The following USP10 variants were observed in gnomAD, a reference collection of about 807,000 sequenced individuals.
The protein encoded by USP10 is ubiquitin carboxyl-terminal hydrolase 10.
In USP10, 22 loss-of-function variants were observed where a neutral mutation model predicts 84.5. That is an observed-to-expected ratio of 0.26 (90% CI 0.19 to 0.37). USP10 has a LOEUF of 0.37. Among genes scored for constraint, USP10 ranks in the 10% least tolerant of loss-of-function variants. The pLI, the probability that USP10 is intolerant of heterozygous loss-of-function variation, is 1.00. For missense variants in USP10, 1,019 were observed against 998.9 expected (o/e 1.02, Z -0.27); for synonymous variants, 454 against 387.6 (o/e 1.17, Z -2.01).
rs1304187537 is a variant in USP10, at chr16:84,769,134, C to T, written c.1998+776C>T. Among the ~76,000 whole-genome samples the T allele has an allele frequency of 4.6e-5, 7 of 152,156 alleles. No homozygotes were observed. In the East Asian group the frequency reaches 1.3e-3, roughly 29 times the overall value. The stretch of plus-strand genomic sequence containing the variant: ...TGCAGGCTGATAATTATGGACGGTC[C>T]ATAGCATTCCTGCAAAGCGATATTT... On this transcript the variant is annotated intron_variant, in intron 11 of 13. Transcript: ENST00000219473.
chr16:84,771,800 G>A (rs537172614), intron 11 of USP10, among the ~76,000 whole-genome samples: 82 of 152,180 alleles, frequency 5.4e-4, no homozygotes, highest in Admixed American at 1.3e-3. Context: ...CCCGGGAGAC[G>A]GATGTTGCAG....
chr16:84,704,871 G>A, intron 1 of USP10: 4 of 1,535,736 alleles, frequency 2.6e-6, no homozygotes, highest in Non-Finnish European at 1.7e-6. Context: ...GTAAGGTGTT[G>A]AGATAGAAAT....
chr16:84,730,626 G>T (rs969141211), intron 1 of USP10, among the ~76,000 whole-genome samples: 8 of 152,142 alleles, frequency 5.3e-5, no homozygotes, highest in African/African-American at 1.9e-4. Flanking sequence ...TTTGAAACAG[G>T]AAGTGTGTGT....
At chr16:84,772,050 C>T (rs1456232267) in intron 11 of USP10, among the ~76,000 whole-genome samples, 3 of 152,034 alleles carry the variant, frequency 2.0e-5, no homozygotes, top group Admixed American at 2.0e-4. Context: ...CATTTTTCTT[C>T]TTCTTTTTTC....
intron 11 of USP10, among the ~76,000 whole-genome samples, chr16:84,770,771 CCAA>C (rs1451733792): frequency 3.0e-4 from 40 of 133,094 alleles, no homozygotes; most frequent in Admixed American, 3.8e-4. Flanking sequence ...GACTCCGTCC[CCAA>C]AAAAAAAAAA....
intron 9 of USP10, 128 bp downstream of exon 9, chr16:84,763,216 G>C (rs1000403631): frequency 3.4e-5 from 18 of 522,968 alleles, no homozygotes; most frequent in Non-Finnish European, 6.2e-5. Flanking sequence ...TATTCCCTAC[G>C]ATAACTTACA....
At chr16:84,712,275 T>C (rs1299516076) in intron 1 of USP10, among the ~76,000 whole-genome samples, 2 of 151,978 alleles carry the variant, frequency 1.3e-5, no homozygotes, top group Non-Finnish European at 2.9e-5. Context: ...GTCCTGAGAG[T>C]AGCGGAAGGA....
At chr16:84,702,297 T>C (rs1904986851) in intron 1 of USP10, among the ~76,000 whole-genome samples, 1 of 152,052 alleles carries the variant, frequency 6.6e-6, no homozygotes. Flanking sequence ...GCTCAGGTGA[T>C]CCACCCGCCT....
At chr16:84,758,683 C>G (rs1912862200) in intron 4 of USP10, 33 bp from the exon 5 acceptor site, 1 of 1,447,268 alleles carries the variant, frequency 6.9e-7, no homozygotes, top group African/African-American at 1.4e-5. Flanking sequence ...TAGATGTCAT[C>G]AATTTCTGAA....
intron 2 of USP10, among the ~76,000 whole-genome samples, chr16:84,739,274 T>G (rs1312158660): frequency 1.4e-5 from 2 of 147,866 alleles, no homozygotes; most frequent in Non-Finnish European, 3.0e-5. Flanking sequence ...TTTTGTTTTG[T>G]TTTGTTTTGG....
chr16:84,705,254 C>T (rs1905324782), intron 1 of USP10, among the ~76,000 whole-genome samples: 2 of 150,398 alleles, frequency 1.3e-5, no homozygotes, highest in Non-Finnish European at 3.0e-5. Context: ...TTTTTTGAGA[C>T]GGAGTCTCGC....
chr16:84,751,666 G>A (rs1382246577), intron 4 of USP10, among the ~76,000 whole-genome samples: 1 of 152,200 alleles, frequency 6.6e-6, no homozygotes, highest in Non-Finnish European at 1.5e-5. Flanking sequence ...CCAAGATAGT[G>A]TGTGTTCTTC....
intron 4 of USP10, among the ~76,000 whole-genome samples, chr16:84,755,384 C>G (rs766554088): frequency 1.3e-5 from 2 of 151,850 alleles, no homozygotes; most frequent in Non-Finnish European, 1.5e-5. Flanking sequence ...ACCCATGATC[C>G]TGTCTCCTTC....
intron 1 of USP10, among the ~76,000 whole-genome samples, chr16:84,717,909 A>G (rs1484270594): frequency 2.6e-5 from 4 of 152,220 alleles, no homozygotes; most frequent in Non-Finnish European, 4.4e-5. Flanking sequence ...ACATTTTGAT[A>G]TTTTGTTGAG....
intron 1 of USP10, chr16:84,716,645 G>C (rs992377018): frequency 6.6e-6 from 1 of 152,200 alleles, no homozygotes; most frequent in Non-Finnish European, 1.5e-5. Context: ...GAGCATGGGG[G>C]AAGAGGGAGC....
In USP10 at chr16:84,732,417, A is replaced by G. The variant is rs57023162; in HGVS notation, c.22-1018A>G. On this transcript the variant is annotated intron_variant, in intron 1 of 13. Transcript: ENST00000219473. ...TTGCTTCTCCGTTGTGGAAATTGCT[A>G]ATTCTTCTCAATGACTTCTTCTTCT... 8.0e-3 allele frequency: 3,179 copies of G among 397,604 alleles called. 97 individuals are homozygous for G. Among genetic ancestry groups the G allele is most frequent in the African/African-American group, 0.063 (2,907 of 45,894 alleles). The allele number at this position is 397,604 out of a possible 1,614,324, so 24.6% of individuals were successfully genotyped here. A position where few individuals can be genotyped will look rare whatever the true frequency, so the allele number is the denominator to read the frequency against.
In USP10 at chr16:84,700,014, G is replaced by C; in HGVS notation, c.-77G>C. ...GCGGCCGATGCGAGTGTGTATGTGC[G>C]GGCGAGAAGATGGCGGCGGCGGGGG... On this transcript the variant is annotated 5_prime_UTR_variant, in exon 1 of 14. Transcript: ENST00000219473. The C allele has an allele frequency of 2.3e-6, 3 of 1,300,876 alleles. No homozygotes were observed. The highest frequency in any genetic ancestry group is 2.7e-5 in the Admixed American group (1 of 37,256). 80.6% of individuals were successfully genotyped at this position (1,300,876 alleles called of 1,614,324 possible). A position where few individuals can be genotyped will look rare whatever the true frequency, so the allele number is the denominator to read the frequency against.
At chr16:84,705,482 C>T (rs553464386) in intron 1 of USP10, among the ~76,000 whole-genome samples, 38 of 152,166 alleles carry the variant, frequency 2.5e-4, no homozygotes, top group African/African-American at 7.5e-4. Context: ...CCGCCCACCT[C>T]GGCCTCCCAA....
intron 1 of USP10, among the ~76,000 whole-genome samples, chr16:84,720,576 A>AGTTTTTTTTTTT (rs1907651053): frequency 1.1e-5 from 1 of 88,340 alleles, no homozygotes; most frequent in African/African-American, 4.7e-5. Flanking sequence ...ATGATGCCCA[A>AGTTTTTTTTTTT]TTTTTTTTTT....
Sources: allele counts gnomAD v4.1 joint callset (sites outside exome capture counted in the v4.1 genomes callset), GRCh38; gene constraint gnomAD v4.1.1; transcripts MANE v1.5; gene names NCBI Gene and HGNC (gene_info 2026-07-23, HGNC 2026-07-21).